Variants in DCUN1D2 observed in about 807,000 individuals in gnomAD.
DCUN1D2 encodes defective in cullin neddylation 1 domain containing 2.
A neutral mutation model predicts 30.9 loss-of-function variants in DCUN1D2; 29 were observed. That is an observed-to-expected ratio of 0.94 (90% CI 0.70 to 1.28). The LOEUF is 1.28. Ranked by LOEUF, DCUN1D2 falls within the 50% of genes most tolerant of loss-of-function variation. The pLI is 0.00. For missense variants in DCUN1D2, 325 were observed against 316.9 expected (o/e 1.03, Z -0.19); for synonymous variants, 121 against 115.3 (o/e 1.05, Z -0.32).
upstream of DCUN1D2, among the ~76,000 whole-genome samples, chr13:113,491,542 C>A (rs2045050104): frequency 6.6e-6 from 1 of 152,012 alleles, no homozygotes; most frequent in Non-Finnish European, 1.5e-5. Flanking sequence ...CCCTGGGGCT[C>A]ACCTCCCCTC....
rs1040695600 is a variant in DCUN1D2, at chr13:113,456,742, T to G, written c.*1287A>C. On this transcript the variant is annotated 3_prime_UTR_variant, in exon 7 of 7. Transcript: ENST00000478244. ...CTTCAGCTCACCAATCAGATGAAGGTTTTGGGGTTGGGTTTTTTCAGACAA... is the reference window on the plus strand; with the variant it reads ...CTTCAGCTCACCAATCAGATGAAGGGTTTGGGGTTGGGTTTTTTCAGACAA... The G allele has an allele frequency of 3.2e-5, 6 of 186,894 alleles. No individual in the cohort carries two copies. The East Asian group carries it at 8.1e-4, about 25-fold the overall frequency. 11.6% of individuals were successfully genotyped at this position (186,894 alleles called of 1,614,324 possible). A position where few individuals can be genotyped will look rare whatever the true frequency, so the allele number is the denominator to read the frequency against.
chr13:113,469,918 A>G (rs1275365887), intron 4 of DCUN1D2, among the ~76,000 whole-genome samples: 1 of 152,218 alleles, frequency 6.6e-6, no homozygotes, highest in East Asian at 1.9e-4. Flanking sequence ...AAATGAAACA[A>G]AACATGAAAC....
chr13:113,481,349 T>C (rs2044704737), intron 2 of DCUN1D2, among the ~76,000 whole-genome samples: 1 of 152,132 alleles, frequency 6.6e-6, no homozygotes, highest in African/African-American at 2.4e-5. Context: ...TATCAGAAAA[T>C]CAAACAGTAA....
chr13:113,456,426 C>A lies in DCUN1D2; in HGVS notation c.*1603G>T. On this transcript the variant is annotated 3_prime_UTR_variant, in exon 7 of 7. Coordinates refer to ENST00000478244, the MANE Select transcript of DCUN1D2 (RefSeq NM_001014283.2). ...CCTGAAGCCCAGGGTAAGTCCTGTT[C>A]TCAGAAGCCAACCCAGCTGCTTGTC... is the stretch of plus-strand genomic sequence containing the variant. 1 of 398,808 alleles carries A rather than the reference C, an allele frequency of 2.5e-6. No homozygotes were observed. Among genetic ancestry groups the A allele is most frequent in the South Asian group, 1.3e-4 (1 of 7,770 alleles). 24.7% of individuals were successfully genotyped at this position (398,808 alleles called of 1,614,324 possible). A position where few individuals can be genotyped will look rare whatever the true frequency, so the allele number is the denominator to read the frequency against.
intron 3 of DCUN1D2, among the ~76,000 whole-genome samples, chr13:113,475,230 A>G (rs2044594807): frequency 6.6e-6 from 1 of 152,224 alleles, no homozygotes. Flanking sequence ...CAGTGGTCCC[A>G]TAAAATCATA....
chr13:113,485,693 T>G (rs1420495695), intron 1 of DCUN1D2, among the ~76,000 whole-genome samples: 1 of 151,822 alleles, frequency 6.6e-6, no homozygotes, highest in Non-Finnish European at 1.5e-5. Context: ...AAAAGCATGC[T>G]GATGCCAAAA....
intron 4 of DCUN1D2, among the ~76,000 whole-genome samples, chr13:113,469,231 A>G (rs1294735485): frequency 6.6e-6 from 1 of 152,122 alleles, no homozygotes. Context: ...TCCTTCTGAA[A>G]GACTAGGAAA....
intron 4 of DCUN1D2, among the ~76,000 whole-genome samples, chr13:113,466,597 T>C (rs77567480): frequency 0.019 from 2,910 of 152,180 alleles, 60 homozygotes; most frequent in Non-Finnish European, 0.027. Context: ...AATTTCAGCG[T>C]AGGTTTTCAG....
At chr13:113,459,254 G>T in intron 6 of DCUN1D2, 58 bp downstream of exon 6, 1 of 937,516 alleles carries the variant, frequency 1.1e-6, no homozygotes, top group Non-Finnish European at 1.8e-6. Flanking sequence ...GGCAGGAGAA[G>T]TTAACGTTCT....
At chr13:113,465,842 T>C (rs890471141) in intron 4 of DCUN1D2, among the ~76,000 whole-genome samples, 1 of 150,202 alleles carries the variant, frequency 6.7e-6, no homozygotes, top group African/African-American at 2.5e-5. Flanking sequence ...AATTCTTGTA[T>C]GTATGTATGT....
chr13:113,480,839 G>C, intron 2 of DCUN1D2, 96 bp from the exon 3 acceptor site: 1 of 1,298,066 alleles, frequency 7.7e-7, no homozygotes, highest in Non-Finnish European at 1.1e-6. Flanking sequence ...ATACTACATA[G>C]TTCTAGCAAG....
At chr13:113,491,409 C>T (rs2045031677), upstream of DCUN1D2, 1 of 148,752 alleles carries the variant, frequency 6.7e-6, no homozygotes, top group African/African-American at 2.5e-5. Flanking sequence ...CCCCTTCCTT[C>T]CTTCCCTCCC....
chr13:113,489,876 C>A (rs1321820613), intron 1 of DCUN1D2, among the ~76,000 whole-genome samples: 2 of 152,128 alleles, frequency 1.3e-5, no homozygotes, highest in Admixed American at 1.3e-4. Context: ...GTGCCTTAGC[C>A]TTTGTCCCAA....
chr13:113,490,675 C>T lies in DCUN1D2; in HGVS notation c.-6G>A. 1.6e-6 allele frequency: 2 copies of T among 1,244,804 alleles called. No individual in the cohort carries two copies. Among genetic ancestry groups the T allele is most frequent in the African/African-American group, 3.2e-5 (2 of 63,294 alleles). 77.1% of individuals were successfully genotyped at this position (1,244,804 alleles called of 1,614,324 possible). ...GACGCCGGGCCACCTACCATCTCCCCCGCGCCGCCCGCTTCTGGCCGGCCC... is the reference window on the plus strand; with the variant it reads ...GACGCCGGGCCACCTACCATCTCCCTCGCGCCGCCCGCTTCTGGCCGGCCC... On this transcript the variant is annotated 5_prime_UTR_variant, in exon 1 of 7. Coordinates refer to ENST00000478244, the MANE Select transcript of DCUN1D2 (RefSeq NM_001014283.2). This position sits in a 1 kb window ranked among gnomAD's most constrained non-coding sequence, Gnocchi z 5.2.
In DCUN1D2 at chr13:113,483,949, T is replaced by C. The variant is rs1294346866; in HGVS notation, c.111A>G (p.Leu37=). Residue 37 remains leucine (L), a synonymous_variant, in exon 2 of 7, where the codon CTA becomes CTG. Coordinates refer to ENST00000478244, the MANE Select transcript of DCUN1D2 (RefSeq NM_001014283.2). ...GGAAGAAGCTGTCCGTGGCCTCGTCTAGTCTCCACTCATTCTGCGTTAAGC... is the reference window on the plus strand; with the variant it reads ...GGAAGAAGCTGTCCGTGGCCTCGTCCAGTCTCCACTCATTCTGCGTTAAGC... ...IYCLTQNEWR[L]DEATDSFFQN... 2 of 1,614,110 alleles carry C rather than the reference T, an allele frequency of 1.2e-6. No individual in the cohort carries two copies. The highest frequency in any genetic ancestry group is 1.3e-5 in the African/African-American group (1 of 74,954).
chr13:113,470,356 C>T (rs2139699523), intron 4 of DCUN1D2, among the ~76,000 whole-genome samples: 1 of 152,314 alleles, frequency 6.6e-6, no homozygotes. Context: ...CAATGCATTT[C>T]TCAGAACCTA....
In DCUN1D2 at chr13:113,457,886, C is replaced by G; in HGVS notation, c.*143G>C. ...CCACAAAGCAGCCGCTGGCTGTCCT[C>G]CGGCAGAATGGGATGGCGCCTCTGG... On this transcript the variant is annotated 3_prime_UTR_variant, in exon 7 of 7. Transcript: ENST00000478244. 5.1e-6 allele frequency: 4 copies of G among 784,872 alleles called. No individual in the cohort carries two copies. In the East Asian group the frequency reaches 9.8e-5, roughly 19 times the overall value. The allele number at this position is 784,872 out of a possible 1,614,324, so 48.6% of individuals were successfully genotyped here.
chr13:113,482,928 C>T (rs529938071), intron 2 of DCUN1D2, among the ~76,000 whole-genome samples: 43 of 152,140 alleles, frequency 2.8e-4, no homozygotes, highest in African/African-American at 1.0e-3. Flanking sequence ...GGTGACAGAG[C>T]AAGACTCCGT....
chr13:113,467,497 T>C (rs2044425364), intron 4 of DCUN1D2, among the ~76,000 whole-genome samples: 1 of 138,282 alleles, frequency 7.2e-6, no homozygotes. Context: ...GTGACACCAC[T>C]GCAAAAAAAA....
Sources: allele counts gnomAD v4.1 joint callset (sites outside exome capture counted in the v4.1 genomes callset), GRCh38; gene constraint gnomAD v4.1.1; non-coding constraint Gnocchi (gnomAD v3.1); transcripts MANE v1.5; gene names NCBI Gene and HGNC (gene_info 2026-07-23, HGNC 2026-07-21).